SLC10A1: variants seen among roughly 807,000 people sequenced by gnomAD.
SLC10A1 encodes the protein solute carrier family 10 member 1.
SLC10A1 carries 36 observed loss-of-function variants against 20.5 expected under a neutral mutation model. That is an observed-to-expected ratio of 1.75 (90% CI 1.34 to 2.32). SLC10A1 has a LOEUF of 2.32. Among genes scored for constraint, SLC10A1 ranks in the 30% most tolerant of loss-of-function variants. The pLI is 0.00. For missense variants in SLC10A1, 545 were observed against 439.1 expected (o/e 1.24, Z -2.16); for synonymous variants, 188 against 163.6 (o/e 1.15, Z -1.14).
chr14:69,777,799 C>G (rs1414210213), intron 4 of SLC10A1, among the ~76,000 whole-genome samples: 1 of 150,818 alleles, frequency 6.6e-6, no homozygotes, highest in Non-Finnish European at 1.5e-5. Flanking sequence ...CAACCGTATG[C>G]TTAAGTTTCC....
At position 69,779,231 on chromosome 14, in the gene SLC10A1, C is replaced by G. The variant is rs937430695; in HGVS notation, c.697G>C (p.Gly233Arg). Residue 233 changes from glycine (G) to arginine (R), a missense_variant, in exon 3 of 5, where the codon GGC becomes CGC. By Grantham distance (125) the Gly-to-Arg change is moderately radical (BLOSUM62 -2). Coordinates refer to ENST00000216540, the MANE Select transcript of SLC10A1 (RefSeq NM_003049.4). The stretch of plus-strand genomic sequence containing the variant: ...GAGAGAACATAACCCAGCAGAAAGC[C>G]AATAAAAGGCATCAGGGAGGAGGTG... Reference protein sequence around the residue: ...IATSSLMPFIGFLLGYVLSAL... With the variant: ...IATSSLMPFIRFLLGYVLSAL... 3.1e-6 allele frequency: 5 copies of G among 1,613,222 alleles called. No homozygotes were observed. Among genetic ancestry groups the G allele is most frequent in the Non-Finnish European group, 4.2e-6 (5 of 1,179,836 alleles).
intron 3 of SLC10A1, among the ~76,000 whole-genome samples, 187 bp downstream of exon 3, chr14:69,778,995 T>A (rs893024788): frequency 6.6e-6 from 1 of 152,010 alleles, no homozygotes; most frequent in Admixed American, 6.6e-5. Context: ...TAAAACCCTG[T>A]CTCCAGAAAA....
In SLC10A1 at chr14:69,776,394, A is replaced by G. The variant is rs1296912533; in HGVS notation, c.944-6T>C. ...GTAGATCATTTTTGTTTTATCTGTA[A>G]AGTTAAAAAGGGTTACAGGTGTAGA... On this transcript the variant is annotated splice_polypyrimidine_tract_variant and splice_region_variant and intron_variant, in intron 4 of 4. Transcript: ENST00000216540. 1 of 1,597,196 alleles carries G rather than the reference A, an allele frequency of 6.3e-7. No homozygotes were observed. The highest frequency in any genetic ancestry group is 1.7e-5 in the Admixed American group (1 of 59,358).
At position 69,776,952 on chromosome 14, in the gene SLC10A1, T is replaced by C. The variant is rs1883461549; in HGVS notation, c.944-564A>G. Among the ~76,000 whole-genome samples, 2 of 152,210 alleles carry C rather than the reference T, an allele frequency of 1.3e-5. 1 individual carries two copies. The highest frequency in any genetic ancestry group is 4.8e-5 in the African/African-American group (2 of 41,458). The stretch of plus-strand genomic sequence containing the variant: ...TTGACAGATTCCTCCCCCCTGAGAA[T>C]AGCTTCTTGGGGCCATTAGGTCCAA... On this transcript the variant is annotated intron_variant, in intron 4 of 4. Transcript: ENST00000216540.
chr14:69,794,785 A>G (rs1237955312), intron 1 of SLC10A1, among the ~76,000 whole-genome samples: 1 of 148,570 alleles, frequency 6.7e-6, no homozygotes, highest in Non-Finnish European at 1.5e-5. Context: ...GTGGGGGTCT[A>G]GGTAAAAATG....
At chr14:69,791,023 C>G (rs1264558793) in intron 1 of SLC10A1, among the ~76,000 whole-genome samples, 1 of 151,820 alleles carries the variant, frequency 6.6e-6, no homozygotes, top group African/African-American at 2.4e-5. Context: ...TTATGATATT[C>G]ACAAAACTAG....
rs79656338 is a variant in SLC10A1 at position 69,781,350 on chromosome 14, C to T, written c.568-1990G>A. The stretch of plus-strand genomic sequence containing the variant: ...CCACCTGACTTCATTGCCCTGCTCA[C>T]AACTGGGATGAGTGCTCATTCATGG... On this transcript the variant is annotated intron_variant, in intron 2 of 4. Coordinates refer to ENST00000216540, the MANE Select transcript of SLC10A1 (RefSeq NM_003049.4). Among the ~76,000 whole-genome samples, 33 of 152,366 alleles carry T rather than the reference C, an allele frequency of 2.2e-4. No individual in the cohort carries two copies. The East Asian group carries it at 6.2e-3, about 28-fold the overall frequency.
At chr14:69,781,148 A>G (rs1429600395) in intron 2 of SLC10A1, among the ~76,000 whole-genome samples, 2 of 152,140 alleles carry the variant, frequency 1.3e-5, no homozygotes, top group East Asian at 3.9e-4. Context: ...GCATATAAGA[A>G]CCGCTCACTA....
chr14:69,780,454 C>G (rs1443757300), intron 2 of SLC10A1, among the ~76,000 whole-genome samples: 1 of 152,172 alleles, frequency 6.6e-6, no homozygotes, highest in Non-Finnish European at 1.5e-5. Context: ...TTGGTTCATT[C>G]ACATGTGTTG....
intron 4 of SLC10A1, among the ~76,000 whole-genome samples, chr14:69,776,782 A>G (rs1489759194): frequency 1.3e-5 from 2 of 152,202 alleles, no homozygotes; most frequent in East Asian, 1.9e-4. Flanking sequence ...CCAACCCCCA[A>G]TTGATCTACC....
Position 69,796,816 on chromosome 14 carries a change from C to T in SLC10A1, c.340G>A (p.Gly114Arg), listed in dbSNP as rs774528826. ...LSNVFSLAMKGDMNLSIVMTT... is the reference protein window; with the variant it reads ...LSNVFSLAMKRDMNLSIVMTT... ...CAGGCCTACCTGAGGTTCATGTCCC[C>T]CTTCATGGCCAGACTGAAGACATTG... The change falls in exon 1 of 5, where the codon GGG (glycine) becomes AGG (arginine). Residue 114 changes from glycine to arginine, a missense_variant. Transcript: ENST00000216540. The T allele has an allele frequency of 9.9e-6, 16 of 1,613,742 alleles. No individual in the cohort carries two copies. In the Admixed American group the frequency reaches 1.2e-4, roughly 12 times the overall value.
intron 1 of SLC10A1, among the ~76,000 whole-genome samples, chr14:69,788,206 A>G (rs1883766869): frequency 6.6e-6 from 1 of 152,072 alleles, no homozygotes; most frequent in Non-Finnish European, 1.5e-5. Context: ...GGAGCATTGA[A>G]ACTGAGCAAC....
At chr14:69,777,756 ATTAAGT>A (rs1883484105) in intron 4 of SLC10A1, among the ~76,000 whole-genome samples, 1 of 151,866 alleles carries the variant, frequency 6.6e-6, no homozygotes, top group Admixed American at 6.6e-5. Context: ...TATAAATCAT[ATTAAGT>A]TTATTGTGGA....
chr14:69,779,442 G>A, intron 2 of SLC10A1, 82 bp from the exon 3 acceptor site: 1 of 1,114,390 alleles, frequency 9.0e-7, no homozygotes, highest in East Asian at 2.5e-5. Flanking sequence ...GTAGAAATTG[G>A]AGGTGGGAAA....
At chr14:69,781,515 TAGCAGGG>T (rs1409699474) in intron 2 of SLC10A1, among the ~76,000 whole-genome samples, 7 of 152,136 alleles carry the variant, frequency 4.6e-5, no homozygotes, top group African/African-American at 1.7e-4. Context: ...AGGGAAGCAA[TAGCAGGG>T]ACAAGTGTCA....
At chr14:69,777,414 C>G (rs934327101) in intron 4 of SLC10A1, among the ~76,000 whole-genome samples, 2 of 151,956 alleles carry the variant, frequency 1.3e-5, no homozygotes, top group Non-Finnish European at 2.9e-5. Flanking sequence ...GTGTATTTCT[C>G]CTAGGGTGTA....
intron 1 of SLC10A1, among the ~76,000 whole-genome samples, chr14:69,795,203 C>T (rs114184689): frequency 0.015 from 2,311 of 152,274 alleles, 61 homozygotes; most frequent in African/African-American, 0.051. Context: ...CAGAGGAAAG[C>T]ATTTTCTCAC....
At chr14:69,779,441 G>C in intron 2 of SLC10A1, 81 bp from the exon 3 acceptor site, 2 of 1,123,328 alleles carry the variant, frequency 1.8e-6, no homozygotes, top group Non-Finnish European at 2.5e-6. Context: ...GGTAGAAATT[G>C]GAGGTGGGAA....
Position 69,794,200 on chromosome 14 carries a change from T to C in SLC10A1, c.356+2600A>G, listed in dbSNP as rs569141837. Among the ~76,000 whole-genome samples, 75 of 152,296 alleles carry C rather than the reference T, an allele frequency of 4.9e-4. 1 individual carries two copies. The highest frequency in any genetic ancestry group is 9.7e-4 in the Non-Finnish European group (66 of 68,008). On this transcript the variant is annotated intron_variant, in intron 1 of 4. Coordinates refer to ENST00000216540, the MANE Select transcript of SLC10A1 (RefSeq NM_003049.4). ...GGGCTACAGCTGGCCCTTTGACATGTATTGTTTGGTTTGCACATTTAAAAA... is the reference window on the plus strand; with the variant it reads ...GGGCTACAGCTGGCCCTTTGACATGCATTGTTTGGTTTGCACATTTAAAAA...
Sources: gnomAD v4.1 joint callset for allele counts (sites outside exome capture counted in the v4.1 genomes callset) on GRCh38, gnomAD v4.1.1 for gene constraint, MANE v1.5 for transcripts, NCBI Gene and HGNC (gene_info 2026-07-23, HGNC 2026-07-21) for gene names.